The following MYO3B variants were observed in gnomAD, a reference collection of about 807,000 sequenced individuals.
The protein encoded by MYO3B is myosin IIIB.
Under a neutral mutation model 174.6 loss-of-function variants are expected in MYO3B, and 156 were observed. That is an observed-to-expected ratio of 0.89 (90% CI 0.78 to 1.02). MYO3B has a LOEUF of 1.02. Among genes scored for constraint, MYO3B ranks in the 50% least tolerant of loss-of-function variants. MYO3B has a pLI of 0.00. For missense variants in MYO3B, 1,632 were observed against 1,639.4 expected, an observed-to-expected ratio of 1.00 and a Z score of 0.08; for synonymous variants, 563 against 569.1, an observed-to-expected ratio of 0.99 and a Z score of 0.15.
At chr2:170,274,531 G>A (rs1006603631) in intron 7 of MYO3B, among the ~76,000 whole-genome samples, 2 of 152,138 alleles carry the variant, frequency 1.3e-5, no homozygotes, top group Non-Finnish European at 2.9e-5. Flanking sequence ...CTAACAGTAG[G>A]CACTAAAGAT....
Position 170,653,162 on chromosome 2 carries a change from T to G in MYO3B, c.*41T>G. On this transcript the variant is annotated 3_prime_UTR_variant, in exon 35 of 35. Coordinates refer to ENST00000408978, the MANE Select transcript of MYO3B (RefSeq NM_138995.5). ...CCTAAATCTGTCCAGAGTAGGAACA[T>G]TCATGGTAATCGACTGTCTGTCATT... 1.9e-6 allele frequency: 3 copies of G among 1,611,594 alleles called. No individual in the cohort carries two copies. Among genetic ancestry groups the G allele is most frequent in the Non-Finnish European group, 2.5e-6 (3 of 1,178,018 alleles).
At chr2:170,616,057 T>C (rs1695445206) in intron 32 of MYO3B, among the ~76,000 whole-genome samples, 1 of 152,206 alleles carries the variant, frequency 6.6e-6, no homozygotes, top group South Asian at 2.1e-4. Context: ...AAACACAATC[T>C]TTCCATAACC....
intron 22 of MYO3B, among the ~76,000 whole-genome samples, chr2:170,426,527 G>A (rs533749763): frequency 1.2e-4 from 18 of 151,578 alleles, no homozygotes; most frequent in African/African-American, 3.6e-4. Context: ...TAGTAGAGGC[G>A]GGGTTTCACC....
chr2:170,550,537 C>A lies in MYO3B; in HGVS notation c.3733+6549C>A, dbSNP rs1357612918. On this transcript the variant is annotated intron_variant, in intron 32 of 34. Transcript: ENST00000408978. ...GACATTACCTATCTCTGTGACACAA[C>A]ATTGAATCAGAGAAAGTGGGCTTTA... 2.0e-5 allele frequency among the ~76,000 whole-genome samples: 3 copies of A among 152,336 alleles called. No individual in the cohort carries two copies. The East Asian group carries it at 5.8e-4, about 29-fold the overall frequency.
At chr2:170,338,423 T>C (rs2093958691) in intron 8 of MYO3B, among the ~76,000 whole-genome samples, 1 of 152,184 alleles carries the variant, frequency 6.6e-6, no homozygotes. Flanking sequence ...AATAGGTGTT[T>C]ATAGATTCCT....
intron 25 of MYO3B, among the ~76,000 whole-genome samples, chr2:170,477,193 T>C (rs1017649157): frequency 6.6e-6 from 1 of 152,196 alleles, no homozygotes; most frequent in Non-Finnish European, 1.5e-5. Context: ...CCATGTGTGA[T>C]GGTCAGCCTT....
intron 30 of MYO3B, among the ~76,000 whole-genome samples, chr2:170,535,223 C>G (rs551883975): frequency 6.6e-6 from 1 of 152,138 alleles, no homozygotes; most frequent in East Asian, 1.9e-4. Flanking sequence ...TAAAGGTGCT[C>G]GGTAAAGACT....
chr2:170,493,805 G>A (rs1451189102), intron 25 of MYO3B, among the ~76,000 whole-genome samples: 1 of 152,126 alleles, frequency 6.6e-6, no homozygotes, highest in African/African-American at 2.4e-5. Context: ...ATAATGAAGG[G>A]ACTCAGGCAG....
chr2:170,597,469 G>A (rs9677781), intron 32 of MYO3B, among the ~76,000 whole-genome samples: 9,713 of 151,918 alleles, frequency 0.064, 916 homozygotes, highest in African/African-American at 0.21. Context: ...GAGAACAACA[G>A]CAGCAAGGCC....
intron 30 of MYO3B, among the ~76,000 whole-genome samples, chr2:170,537,853 T>C (rs1340672174): frequency 6.6e-6 from 1 of 152,170 alleles, no homozygotes; most frequent in Non-Finnish European, 1.5e-5. Context: ...ACAAATTTAC[T>C]AGGAGAAATA....
At chr2:170,240,236 C>G (rs1033838062) in intron 7 of MYO3B, among the ~76,000 whole-genome samples, 1 of 152,112 alleles carries the variant, frequency 6.6e-6, no homozygotes, top group Non-Finnish European at 1.5e-5. Context: ...TTATACCAAC[C>G]AACTTTTATG....
chr2:170,196,693 G>T (rs2092604156), intron 1 of MYO3B, among the ~76,000 whole-genome samples: 1 of 152,188 alleles, frequency 6.6e-6, no homozygotes, highest in African/African-American at 2.4e-5. Context: ...AATTATGGCA[G>T]TGGGGAAGAT....
intron 26 of MYO3B, among the ~76,000 whole-genome samples, chr2:170,498,973 A>G (rs538237754): frequency 3.9e-5 from 6 of 152,272 alleles, no homozygotes; most frequent in South Asian, 2.1e-4. Context: ...TCTTTTCTCA[A>G]TGCTGCTTAT....
At chr2:170,647,031 T>TA in intron 32 of MYO3B, 2 of 720,372 alleles carry the variant, frequency 2.8e-6, no homozygotes, top group East Asian at 1.1e-4. Context: ...TTTACTTTAA[T>TA]ATAATTAAAC....
intron 32 of MYO3B, among the ~76,000 whole-genome samples, chr2:170,550,979 A>G (rs994910568): frequency 5.9e-5 from 9 of 151,966 alleles, no homozygotes; most frequent in Non-Finnish European, 5.9e-5. Context: ...CCTCACTGCA[A>G]CCTCTGCCTC....
At chr2:170,531,776 T>C (rs190119965) in intron 30 of MYO3B, among the ~76,000 whole-genome samples, 1 of 151,890 alleles carries the variant, frequency 6.6e-6, no homozygotes, top group Admixed American at 6.6e-5. Flanking sequence ...CATGAGTCCA[T>C]GTGGATGGAT....
intron 9 of MYO3B, among the ~76,000 whole-genome samples, chr2:170,372,833 G>A (rs1294457059): frequency 6.6e-6 from 1 of 152,158 alleles, no homozygotes; most frequent in Admixed American, 6.5e-5. Flanking sequence ...AGGAAAGGGG[G>A]TTATTCGGGG....
Position 170,206,678 on chromosome 2 carries a change from T to C in MYO3B, c.321+6394T>C, listed in dbSNP as rs115529721. ...CACTGTCCAGTTCAAGGCTTAGTCA[T>C]TTGGGTACGTACTCAGTTTTTTAGG... On this transcript the variant is annotated intron_variant, in intron 3 of 34. Coordinates refer to ENST00000408978, the MANE Select transcript of MYO3B (RefSeq NM_138995.5). The surrounding 1 kb of genome is among the most constrained non-coding windows in gnomAD (Gnocchi z 4.3). 8.3e-3 allele frequency among the ~76,000 whole-genome samples: 1,262 copies of C among 152,276 alleles called. 9 individuals are homozygous for C. Among genetic ancestry groups the C allele is most frequent in the Middle Eastern group, 0.031 (9 of 294 alleles).
intron 34 of MYO3B, among the ~76,000 whole-genome samples, chr2:170,652,555 T>TTAGA (rs1436633161): frequency 6.6e-6 from 1 of 152,120 alleles, no homozygotes; most frequent in Non-Finnish European, 1.5e-5. Context: ...GCCCAACTGG[T>TTAGA]TAGATAGAGG....
Sources: gnomAD v4.1 joint callset for allele counts (sites outside exome capture counted in the v4.1 genomes callset) on GRCh38, gnomAD v4.1.1 for gene constraint, Gnocchi (gnomAD v3.1) non-coding constraint, MANE v1.5 for transcripts, NCBI Gene and HGNC (gene_info 2026-07-23, HGNC 2026-07-21) for gene names.